Variants in HPS4 observed in about 807,000 individuals in gnomAD.
The protein encoded by HPS4 is HPS4 biogenesis of lysosomal organelles complex 3 subunit 2.
Under a neutral mutation model 70.3 loss-of-function variants are expected in HPS4, and 44 were observed. That is an observed-to-expected ratio of 0.63 (90% CI 0.49 to 0.80). The LOEUF is 0.80. HPS4 is among the 30% of genes least tolerant of loss of function. The pLI is 0.00. For synonymous variants in HPS4, 377 were observed against 355.9 expected (o/e 1.06, Z -0.67); for missense variants, 873 against 884.4 (o/e 0.99, Z 0.16).
rs1569006522 is a variant in HPS4, at chr22:26,453,284, G to A, written c.2076C>T (p.Leu692=). ...FPNPQDGAFS[L]SGKAKQKLLK... ...GCAGCTTCTGCTTTGCTTTGCCGGA[G>A]AGGCTGAAGGCGCCATCCTGAGGGT... The change falls in exon 14 of 14, where the codon CTC becomes CTT. Residue 692 remains leucine, a synonymous_variant. Coordinates refer to ENST00000398145, the MANE Select transcript of HPS4 (RefSeq NM_022081.6). The A allele has an allele frequency of 1.9e-6, 3 of 1,614,104 alleles. No individual in the cohort carries two copies. Among genetic ancestry groups the A allele is most frequent in the African/African-American group, 2.7e-5 (2 of 74,922 alleles).
chr22:26,480,439 G>A (rs1228400635), intron 2 of HPS4, among the ~76,000 whole-genome samples: 1 of 152,084 alleles, frequency 6.6e-6, no homozygotes, highest in Non-Finnish European at 1.5e-5. Context: ...CCAAAGTGCT[G>A]GAATTACAGG....
intron 3 of HPS4, 35 bp from the exon 4 acceptor site, chr22:26,477,171 G>A (rs1341127490): frequency 1.2e-6 from 2 of 1,612,840 alleles, no homozygotes; most frequent in Non-Finnish European, 1.7e-6. Flanking sequence ...ATAGGAAGCT[G>A]AAATTCTTGA....
At position 26,472,980 on chromosome 22, in the gene HPS4, C is replaced by A; in HGVS notation, c.277-41G>T. 3 of 1,570,468 alleles carry A rather than the reference C, an allele frequency of 1.9e-6. No homozygotes were observed. In the South Asian group the frequency reaches 3.3e-5, roughly 17 times the overall value. On this transcript the variant is annotated intron_variant, in intron 4 of 13. Coordinates refer to ENST00000398145, the MANE Select transcript of HPS4 (RefSeq NM_022081.6). Reference sequence around the variant, plus strand: ...CCAGGAAGACAAGCATCTTCCTTCTCTTTGAGTCCAAGCCCAGAATCCTGG... The same window carrying A: ...CCAGGAAGACAAGCATCTTCCTTCTATTTGAGTCCAAGCCCAGAATCCTGG...
At position 26,452,104 on chromosome 22, in the gene HPS4, C is replaced by T. The variant is rs1014089301; in HGVS notation, c.*1129G>A. 8.8e-6 allele frequency: 3 copies of T among 342,096 alleles called. No individual in the cohort carries two copies. Among genetic ancestry groups the T allele is most frequent in the African/African-American group, 2.2e-5 (1 of 46,392 alleles). 21.2% of individuals were successfully genotyped at this position (342,096 alleles called of 1,614,324 possible). On this transcript the variant is annotated 3_prime_UTR_variant, in exon 14 of 14. Transcript: ENST00000398145. Reference sequence around the variant, plus strand: ...GCCATTTAATTACTCAGAACTCCAGCATTTTTTGGCTATTTTATTTCTAGC... The same window carrying T: ...GCCATTTAATTACTCAGAACTCCAGTATTTTTTGGCTATTTTATTTCTAGC...
chr22:26,458,802 T>TA (rs1569033978), intron 11 of HPS4, among the ~76,000 whole-genome samples: 1 of 148,384 alleles, frequency 6.7e-6, no homozygotes, highest in African/African-American at 2.5e-5. Context: ...GCCTGGGTGA[T>TA]AGAGTGAGAC....
chr22:26,464,545 A>T lies in HPS4; in HGVS notation c.1085T>A (p.Phe362Tyr). 1 of 1,614,198 alleles carries T rather than the reference A, an allele frequency of 6.2e-7. No individual in the cohort carries two copies. The highest frequency in any genetic ancestry group is 8.5e-7 in the Non-Finnish European group (1 of 1,180,036). Reference protein sequence around the residue: ...LSSSLGKELVFLQEELDLSEI... With the variant: ...LSSSLGKELVYLQEELDLSEI... ...AGACAAGTCGAGTTCTTCTTGGAGAAAGACTAGTTCCTTCCCCAGGGAGGA... is the reference window on the plus strand; with the variant it reads ...AGACAAGTCGAGTTCTTCTTGGAGATAGACTAGTTCCTTCCCCAGGGAGGA... Residue 362 changes from phenylalanine (F) to tyrosine (Y), a missense_variant, in exon 11 of 14, where the codon TTT becomes TAT. Coordinates refer to ENST00000398145, the MANE Select transcript of HPS4 (RefSeq NM_022081.6).
intron 7 of HPS4, among the ~76,000 whole-genome samples, chr22:26,469,880 G>A (rs763602661): frequency 6.6e-6 from 1 of 152,076 alleles, no homozygotes; most frequent in African/African-American, 2.4e-5. Flanking sequence ...GTCTATGCTC[G>A]GTTCTTCCGC....
In HPS4 at chr22:26,452,561, T is replaced by C. The variant is rs967101864; in HGVS notation, c.*672A>G. 1 of 332,228 alleles carries C rather than the reference T, an allele frequency of 3.0e-6. No individual in the cohort carries two copies. The highest frequency in any genetic ancestry group is 4.5e-5 in the Admixed American group (1 of 22,168). 20.6% of individuals were successfully genotyped at this position (332,228 alleles called of 1,614,324 possible). ...CAGGGCTCAGCCCCCAGAGCTTTTA[T>C]AAAGGGATCTCTAAAGCCCAAACTC... On this transcript the variant is annotated 3_prime_UTR_variant, in exon 14 of 14. Transcript: ENST00000398145.
rs751938775 is a variant in HPS4 at position 26,463,994 on chromosome 22, G to C, written c.1636C>G (p.His546Asp). The C allele has an allele frequency of 6.1e-5, 99 of 1,614,118 alleles. No individual in the cohort carries two copies. The highest frequency in any genetic ancestry group is 8.2e-5 in the Non-Finnish European group (97 of 1,180,056). ...MGLVRMNLYT[H>D]CVKGLVLSLL... ...GACAGCACCAGCCCTTTGACGCAGTGAGTGTAGAGATTCATCCTCACGAGC... is the reference window on the plus strand; with the variant it reads ...GACAGCACCAGCCCTTTGACGCAGTCAGTGTAGAGATTCATCCTCACGAGC... The change falls in exon 11 of 14, where the codon CAC becomes GAC. Residue 546 changes from histidine (H) to aspartate (D), a missense_variant. By Grantham distance (81) the His-to-Asp change is moderately conservative. Transcript: ENST00000398145.
rs779379945 is a variant in HPS4, at chr22:26,468,585, T to G, written c.635A>C (p.Lys212Thr). ...AGGTGCTGTTCGGTGAAGCAGGACC[T>G]TGGCGGTGAGGGAGGGCGGGAGTTG... ...STQLPPSLTA[K>T]VLLHRTAPQE... The change falls in exon 8 of 14, where the codon AAG becomes ACG. Residue 212 changes from lysine (K) to threonine (T), a missense_variant. Lys to Thr is a moderately conservative substitution (Grantham distance 78). Transcript: ENST00000398145. The G allele has an allele frequency of 1.9e-6, 3 of 1,614,162 alleles. No homozygotes were observed. In the Admixed American group the frequency reaches 5.0e-5, roughly 27 times the overall value.
Position 26,464,810 on chromosome 22 carries a change from C to T in HPS4, c.820G>A (p.Ala274Thr), listed in dbSNP as rs1342931519. 2 of 1,592,930 alleles carry T rather than the reference C, an allele frequency of 1.3e-6. No homozygotes were observed. The highest frequency in any genetic ancestry group is 1.4e-5 in the African/African-American group (1 of 74,020). Residue 274 changes from alanine to threonine, a missense_variant, in exon 11 of 14, where the codon GCA becomes ACA. Physicochemically the swap from Ala to Thr is moderately conservative, Grantham distance 58. Transcript: ENST00000398145. ...EQMTRSLASP[A>T]GLQDGSAQHH... is the part of the protein sequence containing the mutation. Reference sequence around the variant, plus strand: ...TGGGCTGAACCATCCTGGAGTCCTGCTGGAGATGCTAGAGACCTGGCAAAC... The same window carrying T: ...TGGGCTGAACCATCCTGGAGTCCTGTTGGAGATGCTAGAGACCTGGCAAAC...
At chr22:26,445,261 G>A (rs930807877) in intron 3 of HPS4, among the ~76,000 whole-genome samples, 1 of 152,162 alleles carries the variant, frequency 6.6e-6, no homozygotes, top group Non-Finnish European at 1.5e-5. Context: ...TTGAACCTGG[G>A]AGGCGGGGGC....
rs2091067687 is a variant in HPS4 at position 26,479,721 on chromosome 22, A to G, written c.42-366T>C. On this transcript the variant is annotated intron_variant, in intron 2 of 13. Transcript: ENST00000398145. ...TAAGGCTCTGATAACAAAATAAGTT[A>G]GGGATGTATTAGATGCACTCCTCAT... 7.5e-6 allele frequency: 8 copies of G among 1,072,346 alleles called. No individual in the cohort carries two copies. The South Asian group carries it at 2.1e-4, about 28-fold the overall frequency. The allele number at this position is 1,072,346 out of a possible 1,614,324, so 66.4% of individuals were successfully genotyped here.
chr22:26,458,532 T>C lies in HPS4; in HGVS notation c.1759A>G (p.Lys587Glu), dbSNP rs750621357. 6 of 1,614,188 alleles carry C rather than the reference T, an allele frequency of 3.7e-6. 1 individual carries two copies. The African/African-American group carries it at 6.7e-5, about 18-fold the overall frequency. The change falls in exon 12 of 14, where the codon AAA becomes GAA. Residue 587 changes from lysine to glutamate, a missense_variant. By Grantham distance (56) the Lys-to-Glu change is moderately conservative. Coordinates refer to ENST00000398145, the MANE Select transcript of HPS4 (RefSeq NM_022081.6). ...ASLNGLEVHL[K>E]ETLPRDEAAS... ...GCCTCATCCCTGGGCAGCGTCTCTT[T>C]CAGGTGGACTTCCAGCCCATTCAGT...
At chr22:26,469,854 T>C (rs1297721535) in intron 7 of HPS4, among the ~76,000 whole-genome samples, 3 of 151,940 alleles carry the variant, frequency 2.0e-5, no homozygotes, top group Non-Finnish European at 4.4e-5. Flanking sequence ...GGAAGAAGAG[T>C]GCAAAGCCCA....
downstream of HPS4, among the ~76,000 whole-genome samples, chr22:26,448,682 T>G (rs907324149): frequency 6.6e-6 from 1 of 152,172 alleles, no homozygotes; most frequent in African/African-American, 2.4e-5. Flanking sequence ...CAAAGCACTC[T>G]CTGGGTTTTA....
downstream of HPS4, among the ~76,000 whole-genome samples, chr22:26,447,963 C>T (rs991700607): frequency 1.3e-5 from 2 of 152,230 alleles, no homozygotes; most frequent in Non-Finnish European, 2.9e-5. Context: ...GGTTCCTTCC[C>T]CTACCTCATC....
At chr22:26,448,111 G>A (rs1016194756), downstream of HPS4, among the ~76,000 whole-genome samples, 1 of 152,198 alleles carries the variant, frequency 6.6e-6, no homozygotes, top group African/African-American at 2.4e-5. Context: ...CGCATCTTCT[G>A]AAGTCTGGAC....
At chr22:26,474,435 A>C (rs1024499125) in intron 4 of HPS4, among the ~76,000 whole-genome samples, 4 of 152,352 alleles carry the variant, frequency 2.6e-5, no homozygotes, top group African/African-American at 9.6e-5. Context: ...ATATTAACCC[A>C]AAGTGGATTA....
Sources: gnomAD v4.1 joint callset for allele counts (sites outside exome capture counted in the v4.1 genomes callset) on GRCh38, gnomAD v4.1.1 for gene constraint, MANE v1.5 for transcripts, NCBI Gene and HGNC (gene_info 2026-07-23, HGNC 2026-07-21) for gene names.